SEPTIN9: variants seen among roughly 807,000 people sequenced by gnomAD.
The protein encoded by SEPTIN9 is septin-9.
SEPTIN9 carries 13 observed loss-of-function variants against 56.6 expected under a neutral mutation model. That is an observed-to-expected ratio of 0.23 (90% CI 0.15 to 0.37). The LOEUF is 0.37. Ranked by LOEUF, SEPTIN9 falls within the 10% of genes least tolerant of loss-of-function variation. The probability of loss-of-function intolerance (pLI) is 1.00; values close to 1 mark genes in which losing one functional copy is unlikely to be tolerated. For synonymous variants in SEPTIN9, 332 were observed against 334.1 expected (o/e 0.99, Z 0.07); for missense variants, 650 against 823.1 (o/e 0.79, Z 2.57).
intron 3 of SEPTIN9, among the ~76,000 whole-genome samples, chr17:77,416,369 A>G (rs1181696435): frequency 1.3e-5 from 2 of 152,104 alleles, no homozygotes; most frequent in African/African-American, 2.4e-5. Context: ...GCTCTTTCCA[A>G]CCCGTGGTTT....
chr17:77,462,852 G>A (rs1020526713), intron 3 of SEPTIN9, among the ~76,000 whole-genome samples: 2 of 152,114 alleles, frequency 1.3e-5, no homozygotes, highest in African/African-American at 4.8e-5. Flanking sequence ...ATGTTGGCCA[G>A]GCTGTTCTTC....
chr17:77,471,154 C>T (rs1424928357), intron 3 of SEPTIN9: 1 of 152,454 alleles, frequency 6.6e-6, no homozygotes, highest in Non-Finnish European at 1.5e-5. Flanking sequence ...CCCTTTCCCC[C>T]ACCTTTCCAG....
At chr17:77,424,885 G>A (rs962438631) in intron 3 of SEPTIN9, among the ~76,000 whole-genome samples, 4 of 152,190 alleles carry the variant, frequency 2.6e-5, no homozygotes, top group African/African-American at 4.8e-5. Context: ...CTCAGTACTC[G>A]GAAGGAGGGG....
Position 77,492,861 on chromosome 17 carries a change from T to C in SEPTIN9, c.1477-119T>C. 8.2e-7 allele frequency: 1 copy of C among 1,212,506 alleles called. No homozygotes were observed. The highest frequency in any genetic ancestry group is 2.4e-5 in the East Asian group (1 of 41,804). 75.1% of individuals were successfully genotyped at this position (1,212,506 alleles called of 1,614,324 possible). A position where few individuals can be genotyped will look rare whatever the true frequency, so the allele number is the denominator to read the frequency against. ...GCCCAGGTGTCTGTACCCAGTGCTG[T>C]CAGGCTGAGGCTCTCGTTTTTGGGG... On this transcript the variant is annotated intron_variant, in intron 9 of 11. Coordinates refer to ENST00000427177, the MANE Select transcript of SEPTIN9 (RefSeq NM_001113491.2). The surrounding 1 kb of genome is among the most constrained non-coding windows in gnomAD (Gnocchi z 5.4).
At chr17:77,448,319 A>G (rs971264026) in intron 3 of SEPTIN9, among the ~76,000 whole-genome samples, 2 of 152,046 alleles carry the variant, frequency 1.3e-5, no homozygotes, top group Non-Finnish European at 2.9e-5. Context: ...CTAAAAATAC[A>G]AAAAGTAGCC....
At chr17:77,373,340 C>G (rs888614627) in intron 2 of SEPTIN9, 1 of 1,179,642 alleles carries the variant, frequency 8.5e-7, no homozygotes. Context: ...CTCCCCCATT[C>G]ATTCAGCTGA....
At position 77,369,760 on chromosome 17, in the gene SEPTIN9, C is replaced by T. The variant is rs868309346; in HGVS notation, c.77-32299C>T. 4.6e-5 allele frequency among the ~76,000 whole-genome samples: 7 copies of T among 152,210 alleles called. No homozygotes were observed. Among genetic ancestry groups the T allele is most frequent in the Non-Finnish European group, 1.0e-4 (7 of 68,032 alleles). ...AAGCCCCTCACCTTCCTTCGCTCTC[C>T]GAGCCTCTTTTGCTTCCCTGCCAGC... On this transcript the variant is annotated intron_variant, in intron 2 of 11. Transcript: ENST00000427177. The surrounding 1 kb of genome is among the most constrained non-coding windows in gnomAD (Gnocchi z 4.9).
In SEPTIN9 at chr17:77,454,228, C is replaced by T. The variant is rs541187602; in HGVS notation, c.722-27916C>T. The T allele has an allele frequency of 2.5e-5, 25 of 985,526 alleles. No individual in the cohort carries two copies. In the South Asian group the frequency reaches 5.2e-4, roughly 20 times the overall value. 61.0% of individuals were successfully genotyped at this position (985,526 alleles called of 1,614,324 possible). On this transcript the variant is annotated intron_variant, in intron 3 of 11. Transcript: ENST00000427177. ...GGCTGACCACCCTGGAGGCTCCCAGCGTCCCACAGCCACTCTTTGGGGAAG... is the reference window on the plus strand; with the variant it reads ...GGCTGACCACCCTGGAGGCTCCCAGTGTCCCACAGCCACTCTTTGGGGAAG...
Position 77,429,098 on chromosome 17 carries a change from C to T in SEPTIN9, c.721+26395C>T, listed in dbSNP as rs1394260961. ...TTCTTGGCTATTTGTGCCCCAGCTC[C>T]GTGTCCTCCGGTGTGTGTGAGGCCA... On this transcript the variant is annotated intron_variant, in intron 3 of 11. Transcript: ENST00000427177. This position sits in a 1 kb window ranked among gnomAD's most constrained non-coding sequence, Gnocchi z 5.2. 8 of 471,516 alleles carry T rather than the reference C, an allele frequency of 1.7e-5. No individual in the cohort carries two copies. The highest frequency in any genetic ancestry group is 1.4e-4 in the Admixed American group (6 of 42,562). 29.2% of individuals were successfully genotyped at this position (471,516 alleles called of 1,614,324 possible).
intron 2 of SEPTIN9, among the ~76,000 whole-genome samples, chr17:77,324,407 G>A (rs755378037): frequency 6.6e-5 from 10 of 152,162 alleles, no homozygotes; most frequent in Non-Finnish European, 1.5e-4. Flanking sequence ...GCCCTTTGGG[G>A]TGGCCTTTGG....
intron 2 of SEPTIN9, among the ~76,000 whole-genome samples, chr17:77,354,562 C>CT (rs1158463609): frequency 6.6e-6 from 1 of 152,174 alleles, no homozygotes; most frequent in Non-Finnish European, 1.5e-5. Flanking sequence ...CTCTTGGAGG[C>CT]TGCCGGAGCC....
intron 2 of SEPTIN9, among the ~76,000 whole-genome samples, chr17:77,346,148 G>A (rs1207668602): frequency 6.6e-6 from 1 of 151,898 alleles, no homozygotes; most frequent in Non-Finnish European, 1.5e-5. Flanking sequence ...CACCATGTTG[G>A]CCAGGCTGGT....
intron 1 of SEPTIN9, among the ~76,000 whole-genome samples, chr17:77,290,026 A>G (rs1235023869): frequency 6.6e-6 from 1 of 152,196 alleles, no homozygotes; most frequent in Non-Finnish European, 1.5e-5. Context: ...GATCTCAGGC[A>G]TGGATTTCAT....
Position 77,493,082 on chromosome 17 carries a change from C to G in SEPTIN9, c.1573+6C>G. The G allele has an allele frequency of 6.5e-7, 1 of 1,548,110 alleles. No homozygotes were observed. Among genetic ancestry groups the G allele is most frequent in the South Asian group, 1.2e-5 (1 of 84,040 alleles). ...CAAGTGGGGTACCATCGAAGGTACT[C>G]GCCGCAGGCGCCGGGGCTCCAGACA... On this transcript the variant is annotated splice_donor_region_variant and intron_variant, in intron 10 of 11. Transcript: ENST00000427177.
rs1441183206 is a variant in SEPTIN9 at position 77,378,022 on chromosome 17, C to T, written c.77-24037C>T. ...CCAGACAGACCCACTGTCCCGACTA[C>T]GAGTTGGTTCATTTAGAGGGGGGCG... On this transcript the variant is annotated intron_variant, in intron 2 of 11. Transcript: ENST00000427177. Among the ~76,000 whole-genome samples the T allele has an allele frequency of 4.6e-5, 7 of 152,102 alleles. 1 individual carries two copies. Among genetic ancestry groups the T allele is most frequent in the East Asian group, 3.9e-4 (2 of 5,186 alleles).
chr17:77,291,187 C>T (rs1424167564), intron 1 of SEPTIN9, among the ~76,000 whole-genome samples: 7 of 151,354 alleles, frequency 4.6e-5, no homozygotes, highest in South Asian at 2.1e-4. Flanking sequence ...AGGCATGTGC[C>T]GCCACACCTG....
At chr17:77,348,297 T>TAA (rs1568006575) in intron 2 of SEPTIN9, among the ~76,000 whole-genome samples, 1 of 141,994 alleles carries the variant, frequency 7.0e-6, no homozygotes, top group African/African-American at 2.6e-5. Context: ...AATTTATGTT[T>TAA]TTTTTTTTTT....
chr17:77,418,668 A>C (rs1003897814), intron 3 of SEPTIN9, among the ~76,000 whole-genome samples: 24 of 151,964 alleles, frequency 1.6e-4, no homozygotes, highest in African/African-American at 5.8e-4. Context: ...ATTTTCTCTT[A>C]AGGCCGTGAG....
intron 11 of SEPTIN9, 53 bp from the exon 12 acceptor site, chr17:77,498,469 GC>G (rs2040369106): frequency 2.7e-6 from 2 of 732,978 alleles, no homozygotes; most frequent in Non-Finnish European, 2.3e-6. Context: ...CTGCCCCGCT[GC>G]CCCCACCCCG....
Sources: allele counts gnomAD v4.1 joint callset (sites outside exome capture counted in the v4.1 genomes callset), GRCh38; gene constraint gnomAD v4.1.1; non-coding constraint Gnocchi (gnomAD v3.1); transcripts MANE v1.5; gene names NCBI Gene and HGNC (gene_info 2026-07-23, HGNC 2026-07-21).